CEP170B: variants seen among roughly 807,000 people sequenced by gnomAD.
The protein encoded by CEP170B is centrosomal protein 170B.
Under a neutral mutation model 120.6 loss-of-function variants are expected in CEP170B, and 55 were observed. The observed-to-expected ratio is 0.46, with a 90% CI of 0.37 to 0.57. The LOEUF (loss-of-function observed/expected upper bound fraction) is 0.57, where lower values mean the gene tolerates loss of function less well. Ranked by LOEUF, CEP170B falls within the 20% of genes least tolerant of loss-of-function variation. The probability of loss-of-function intolerance (pLI) is 0.00; values close to 1 mark genes in which losing one functional copy is unlikely to be tolerated. For synonymous variants in CEP170B, 1,033 were observed against 954.5 expected, an observed-to-expected ratio of 1.08 and a Z score of -1.52; for missense variants, 2,212 against 2,253.3, an observed-to-expected ratio of 0.98 and a Z score of 0.37.
At position 104,883,972 on chromosome 14, in the gene CEP170B, T is replaced by C; in HGVS notation, c.1193T>C (p.Leu398Pro). 2 of 1,609,846 alleles carry C rather than the reference T, an allele frequency of 1.2e-6. No homozygotes were observed. The highest frequency in any genetic ancestry group is 1.7e-6 in the Non-Finnish European group (2 of 1,178,420). ...RQIKRDPQEL[L>P]HNQQAFVIEF... is the part of the protein sequence containing the mutation. ...ATCAAGCGGGACCCCCAGGAGCTACTACATAACCAGCAGGCCTTTGTCATC... is the reference window on the plus strand; with the variant it reads ...ATCAAGCGGGACCCCCAGGAGCTACCACATAACCAGCAGGCCTTTGTCATC... Residue 398 changes from leucine to proline, a missense_variant, in exon 9 of 19, where the codon CTA becomes CCA. Leu to Pro is a moderately conservative substitution (Grantham distance 98). Transcript: ENST00000414716.
chr14:104,893,838 C>G lies in CEP170B; in HGVS notation c.4260C>G (p.Ala1420=). Residue 1420 remains alanine, a synonymous_variant, in exon 16 of 19, where the codon GCC becomes GCG. Coordinates refer to ENST00000414716, the MANE Select transcript of CEP170B (RefSeq NM_001112726.3). Reference sequence around the variant, plus strand: ...TCCGTGAGAACACAGAGCACCTTGCCGAGAAGATGAAGTGAGTCGGCTTCC... The same window carrying G: ...TCCGTGAGAACACAGAGCACCTTGCGGAGAAGATGAAGTGAGTCGGCTTCC... ...QAIRENTEHL[A]EKMKILFQNT... is the part of the protein sequence containing the mutation. The G allele has an allele frequency of 6.2e-7, 1 of 1,612,150 alleles. No homozygotes were observed.
At chr14:104,873,897 G>A (rs1895700616) in intron 2 of CEP170B, among the ~76,000 whole-genome samples, 1 of 152,164 alleles carries the variant, frequency 6.6e-6, no homozygotes, top group Non-Finnish European at 1.5e-5. Context: ...ACAGCAGCAG[G>A]TCCCCCTGGC....
chr14:104,889,132 G>A (rs1487342542), intron 12 of CEP170B, among the ~76,000 whole-genome samples: 1 of 152,220 alleles, frequency 6.6e-6, no homozygotes, highest in Non-Finnish European at 1.5e-5. Flanking sequence ...GTCCTTGCCT[G>A]TCTGTGTGGT....
chr14:104,876,959 G>A (rs1321829261), intron 3 of CEP170B, among the ~76,000 whole-genome samples: 1 of 152,192 alleles, frequency 6.6e-6, no homozygotes, highest in Non-Finnish European at 1.5e-5. Context: ...CAGGAAGGCT[G>A]GAGGCCCCTC....
Position 104,887,667 on chromosome 14 carries a change from A to T in CEP170B, c.3428A>T (p.Glu1143Val). 6.4e-7 allele frequency: 1 copy of T among 1,570,830 alleles called. No individual in the cohort carries two copies. Among genetic ancestry groups the T allele is most frequent in the South Asian group, 1.2e-5 (1 of 86,066 alleles). The change falls in exon 12 of 19, where the codon GAG becomes GTG. Residue 1143 changes from glutamate to valine, a missense_variant. Physicochemically the swap from Glu to Val is moderately radical, Grantham distance 121. Coordinates refer to ENST00000414716, the MANE Select transcript of CEP170B (RefSeq NM_001112726.3). ...DASDTEAADG[E>V]RGSLGNPEPV... is the part of the protein sequence containing the mutation. ...TCAGACACTGAGGCTGCGGATGGTG[A>T]GCGGGGGTCCCTGGGCAACCCTGAG...
chr14:104,874,667 C>T (rs537512617), intron 2 of CEP170B, among the ~76,000 whole-genome samples: 7 of 152,044 alleles, frequency 4.6e-5, no homozygotes, highest in African/African-American at 1.2e-4. Context: ...GTCCCTGCCC[C>T]CGGTCCTCCA....
chr14:104,884,915 C>T (rs1169047199), intron 9 of CEP170B, among the ~76,000 whole-genome samples: 1 of 45,368 alleles, frequency 2.2e-5, no homozygotes, highest in Non-Finnish European at 4.1e-5. Flanking sequence ...GAGGTGATGC[C>T]GGGGGTGGCG....
At position 104,865,666 on chromosome 14, in the gene CEP170B, C is replaced by T. The variant is rs927348134; in HGVS notation, c.-28+153C>T. 7.9e-5 allele frequency among the ~76,000 whole-genome samples: 12 copies of T among 151,592 alleles called. No homozygotes were observed. Among genetic ancestry groups the T allele is most frequent in the South Asian group, 2.1e-4 (1 of 4,830 alleles). On this transcript the variant is annotated intron_variant, in intron 1 of 18. Coordinates refer to ENST00000414716, the MANE Select transcript of CEP170B (RefSeq NM_001112726.3). This position sits in a 1 kb window ranked among gnomAD's most constrained non-coding sequence, Gnocchi z 6.7. ...GCCCGGCGCACCTGGTCAGGCGGGT[C>T]CCCGCCGCCGCGGAGGCGGCCCTGG...
rs1896989895 is a variant in CEP170B, at chr14:104,894,403, T to A, written c.4365+25T>A. On this transcript the variant is annotated intron_variant, in intron 17 of 18. Coordinates refer to ENST00000414716, the MANE Select transcript of CEP170B (RefSeq NM_001112726.3). ...GGTGAGCGCTGGGGCCCCGTGCCCC[T>A]TGGCCTGCCCCCAGCCAGCCTGCCT... 3 of 1,608,528 alleles carry A rather than the reference T, an allele frequency of 1.9e-6. No homozygotes were observed. In the East Asian group the frequency reaches 6.7e-5, roughly 36 times the overall value.
chr14:104,864,625 G>T (rs1895090034), upstream of CEP170B, among the ~76,000 whole-genome samples: 1 of 152,074 alleles, frequency 6.6e-6, no homozygotes, highest in Non-Finnish European at 1.5e-5. This position sits in a 1 kb window ranked among gnomAD's most constrained non-coding sequence, Gnocchi z 5.9. Flanking sequence ...GGTCCACTGT[G>T]GGCGTCCAGG....
rs1379754306 is a variant in CEP170B at position 104,896,634 on chromosome 14, G to A, written c.*1676G>A. The A allele has an allele frequency of 6.6e-6, 3 of 456,060 alleles. No individual in the cohort carries two copies. Among genetic ancestry groups the A allele is most frequent in the Non-Finnish European group, 1.3e-5 (3 of 226,946 alleles). 28.3% of individuals were successfully genotyped at this position (456,060 alleles called of 1,614,324 possible). A position where few individuals can be genotyped will look rare whatever the true frequency, so the allele number is the denominator to read the frequency against. On this transcript the variant is annotated 3_prime_UTR_variant, in exon 19 of 19. Coordinates refer to ENST00000414716, the MANE Select transcript of CEP170B (RefSeq NM_001112726.3). ...TCCTTGTTTGCCGGGCTTCTCGGAGGGTTCACTGTACATTCGTTCTCAGGT... is the reference window on the plus strand; with the variant it reads ...TCCTTGTTTGCCGGGCTTCTCGGAGAGTTCACTGTACATTCGTTCTCAGGT...
At chr14:104,881,559 C>T (rs1308804556) in intron 6 of CEP170B, among the ~76,000 whole-genome samples, 1 of 152,198 alleles carries the variant, frequency 6.6e-6, no homozygotes, top group African/African-American at 2.4e-5. Flanking sequence ...CTGAGCTCCC[C>T]AGAGCACCTG....
chr14:104,885,362 T>G lies in CEP170B; in HGVS notation c.1771-7T>G. 6.4e-7 allele frequency: 1 copy of G among 1,551,220 alleles called. No individual in the cohort carries two copies. Among genetic ancestry groups the G allele is most frequent in the South Asian group, 1.2e-5 (1 of 83,146 alleles). ...CCTCGGTGCCTGGGACCATTTCCTCTTGGCAGGTCTTTGGGGTGTTGGAGT... is the reference window on the plus strand; with the variant it reads ...CCTCGGTGCCTGGGACCATTTCCTCGTGGCAGGTCTTTGGGGTGTTGGAGT... On this transcript the variant is annotated splice_region_variant and splice_polypyrimidine_tract_variant and intron_variant, in intron 9 of 18. Transcript: ENST00000414716.
chr14:104,894,922 C>T lies in CEP170B; in HGVS notation c.4629C>T (p.Pro1543=), dbSNP rs1484164051. 1 of 1,594,302 alleles carries T rather than the reference C, an allele frequency of 6.3e-7. No individual in the cohort carries two copies. Among genetic ancestry groups the T allele is most frequent in the Non-Finnish European group, 8.5e-7 (1 of 1,170,756 alleles). The change falls in exon 19 of 19, where the codon CCC becomes CCT. Residue 1543 remains proline, a synonymous_variant. Transcript: ENST00000414716. The part of the protein sequence containing the change: ...ASCGPPSLPD[P]TFLPDAERFL... ...GTGGGCCTCCCAGCCTCCCGGACCC[C>T]ACCTTCCTCCCTGATGCCGAGAGGT...
At chr14:104,890,481 A>AATGG (rs1896773674) in intron 13 of CEP170B, among the ~76,000 whole-genome samples, 1 of 60,788 alleles carries the variant, frequency 1.6e-5, no homozygotes. Context: ...TGGATGGATG[A>AATGG]ATGAGTGGGT....
In CEP170B at chr14:104,872,440, T is replaced by C. The variant is rs555348822; in HGVS notation, c.106-3816T>C. Among the ~76,000 whole-genome samples, 71 of 116,616 alleles carry C rather than the reference T, an allele frequency of 6.1e-4. 5 individuals carry two copies. The highest frequency in any genetic ancestry group is 3.1e-3 in the African/African-American group (69 of 22,464). 76.5% of individuals were successfully genotyped at this position (116,616 alleles called of 152,430 possible). A position where few individuals can be genotyped will look rare whatever the true frequency, so the allele number is the denominator to read the frequency against. On this transcript the variant is annotated intron_variant, in intron 2 of 18. Transcript: ENST00000414716. Reference sequence around the variant, plus strand: ...TGGGTGTGCCGTGCGTGTGTGCGTGTGTGTGCCATGTGTGTGCGTGTGGGT... The same window carrying C: ...TGGGTGTGCCGTGCGTGTGTGCGTGCGTGTGCCATGTGTGTGCGTGTGGGT...
At chr14:104,872,202 GGTGTGCGTGT>G (rs1895536147) in intron 2 of CEP170B, among the ~76,000 whole-genome samples, 1 of 138,718 alleles carries the variant, frequency 7.2e-6, no homozygotes, top group African/African-American at 2.7e-5. Context: ...GTGTGCCGTG[GGTGTGCGTGT>G]GTGTACCATG....
Position 104,867,506 on chromosome 14 carries a change from G to C in CEP170B, c.-27-918G>C, listed in dbSNP as rs886103105. 1.3e-5 allele frequency among the ~76,000 whole-genome samples: 2 copies of C among 152,178 alleles called. No homozygotes were observed. Among genetic ancestry groups the C allele is most frequent in the African/African-American group, 4.8e-5 (2 of 41,434 alleles). On this transcript the variant is annotated intron_variant, in intron 1 of 18. Transcript: ENST00000414716. The surrounding 1 kb of genome is among the most constrained non-coding windows in gnomAD (Gnocchi z 5.4). ...CTTAGCCCAGGCCGCCTAGCCCATA[G>C]CAGCACTCAGGATGTGCTGGGCAGT...
chr14:104,886,046 C>G lies in CEP170B; in HGVS notation c.1951C>G (p.Pro651Ala). Reference protein sequence around the residue: ...AAPQAEHQGLPVPGSPGGQKW... With the variant: ...AAPQAEHQGLAVPGSPGGQKW... ...CCCACCCTCCTCTCCACAGGGCCTCCCGGTGCCGGGCTCCCCTGGGGGTCA... is the reference window on the plus strand; with the variant it reads ...CCCACCCTCCTCTCCACAGGGCCTCGCGGTGCCGGGCTCCCCTGGGGGTCA... Residue 651 changes from proline to alanine, a missense_variant, in exon 11 of 19, where the codon CCG becomes GCG. This residue lies in a region of CEP170B where 2,166 missense variants were observed against 2,166.7 expected (regional missense o/e 1.00). Coordinates refer to ENST00000414716, the MANE Select transcript of CEP170B (RefSeq NM_001112726.3). The G allele has an allele frequency of 1.3e-6, 2 of 1,537,686 alleles. No homozygotes were observed. The highest frequency in any genetic ancestry group is 1.8e-6 in the Non-Finnish European group (2 of 1,140,998).
Sources: gnomAD v4.1 joint callset for allele counts (sites outside exome capture counted in the v4.1 genomes callset) on GRCh38, gnomAD v4.1.1 for gene constraint, gnomAD v4.1.1 regional missense constraint, Gnocchi (gnomAD v3.1) non-coding constraint, MANE v1.5 for transcripts, NCBI Gene and HGNC (gene_info 2026-07-23, HGNC 2026-07-21) for gene names.